OR3A2: variants seen among roughly 807,000 people sequenced by gnomAD.
OR3A2 encodes olfactory receptor family 3 subfamily A member 2, also known as olfactory receptor 3A2.
For missense variants in OR3A2, 318 were observed against 392.8 expected (o/e 0.81, Z 1.61); for synonymous variants, 126 against 159.3 (o/e 0.79, Z 1.57).
chr17:3,383,964 TACAA>T (rs2150670479), intron 1 of OR3A2: 1 of 75,130 alleles, frequency 1.3e-5, no homozygotes, highest in Non-Finnish European at 2.6e-5. Context: ...AAATATTGTA[TACAA>T]ATATTTATTG....
chr17:3,294,933 G>A (rs887122178), intron 3 of OR3A2, among the ~76,000 whole-genome samples: 1 of 152,054 alleles, frequency 6.6e-6, no homozygotes. Flanking sequence ...GTTGAAGAAA[G>A]CAGACTTCAG....
At chr17:3,346,622 T>C (rs1266104378) in intron 2 of OR3A2, among the ~76,000 whole-genome samples, 1 of 152,104 alleles carries the variant, frequency 6.6e-6, no homozygotes, top group African/African-American at 2.4e-5. Flanking sequence ...TATCAAATAC[T>C]AGTTCTTATT....
intron 2 of OR3A2, among the ~76,000 whole-genome samples, chr17:3,345,481 C>G (rs538889736): frequency 2.6e-5 from 4 of 151,562 alleles, no homozygotes; most frequent in Admixed American, 1.3e-4. Context: ...CGAAACAACA[C>G]AGAGGGCAGA....
At chr17:3,313,240 G>A (rs891219153) in intron 3 of OR3A2, among the ~76,000 whole-genome samples, 1 of 152,160 alleles carries the variant, frequency 6.6e-6, no homozygotes, top group East Asian at 1.9e-4. Flanking sequence ...CACCTTGTCC[G>A]ACATGCTTAT....
intron 3 of OR3A2, among the ~76,000 whole-genome samples, chr17:3,315,359 G>A (rs1597335223): frequency 6.6e-6 from 1 of 152,252 alleles, no homozygotes; most frequent in East Asian, 1.9e-4. Context: ...GTTGCTTGTT[G>A]ACTTTTTAAT....
chr17:3,312,147 G>A (rs909878047), intron 3 of OR3A2, among the ~76,000 whole-genome samples: 2 of 152,136 alleles, frequency 1.3e-5, no homozygotes, highest in African/African-American at 4.8e-5. Context: ...CTGATACAAA[G>A]TGAATTGAAG....
chr17:3,341,524 G>A (rs931599632), intron 2 of OR3A2, among the ~76,000 whole-genome samples: 1 of 152,112 alleles, frequency 6.6e-6, no homozygotes, highest in Non-Finnish European at 1.5e-5. Context: ...CACTTATGAA[G>A]CTTAGTTTGG....
chr17:3,341,038 T>C (rs2049313438), intron 2 of OR3A2, among the ~76,000 whole-genome samples: 1 of 152,276 alleles, frequency 6.6e-6, no homozygotes, highest in African/African-American at 2.4e-5. Context: ...TTTGTCTCTT[T>C]TGATCTTTGT....
intron 3 of OR3A2, among the ~76,000 whole-genome samples, chr17:3,302,036 G>A (rs1027961923): frequency 2.0e-5 from 3 of 152,002 alleles, no homozygotes; most frequent in Admixed American, 1.3e-4. Context: ...CAACTTACAA[G>A]GGACGTGAAG....
At chr17:3,374,029 G>C (rs1001512815) in intron 2 of OR3A2, among the ~76,000 whole-genome samples, 7 of 152,166 alleles carry the variant, frequency 4.6e-5, no homozygotes, top group Non-Finnish European at 8.8e-5. Flanking sequence ...GTCAGTCTGA[G>C]AAAGATTTTA....
chr17:3,348,752 A>G (rs2049392280), intron 2 of OR3A2, among the ~76,000 whole-genome samples: 1 of 152,310 alleles, frequency 6.6e-6, no homozygotes, highest in African/African-American at 2.4e-5. Flanking sequence ...GTTGAAATGA[A>G]GGAAAAAAAT....
chr17:3,352,197 G>A (rs1323000300), intron 2 of OR3A2, among the ~76,000 whole-genome samples: 2 of 151,894 alleles, frequency 1.3e-5, no homozygotes, highest in African/African-American at 4.8e-5. Flanking sequence ...CTCCCATTCT[G>A]TGGGCTGTCT....
chr17:3,376,303 C>T (rs2049683206), intron 2 of OR3A2, among the ~76,000 whole-genome samples: 1 of 152,174 alleles, frequency 6.6e-6, no homozygotes, highest in African/African-American at 2.4e-5. Context: ...CCTACATTGG[C>T]CAGGATAAAT....
chr17:3,323,947 C>G (rs371137899), intron 3 of OR3A2, among the ~76,000 whole-genome samples: 19 of 152,202 alleles, frequency 1.2e-4, no homozygotes, highest in South Asian at 2.1e-4. Context: ...ATATCCTGCA[C>G]AGTGTTTTCC....
intron 2 of OR3A2, among the ~76,000 whole-genome samples, chr17:3,349,765 T>G (rs1479362429): frequency 1.3e-5 from 2 of 151,552 alleles, no homozygotes; most frequent in South Asian, 2.1e-4. Context: ...ATTCCAAAAT[T>G]GACCACATAC....
upstream of OR3A2, among the ~76,000 whole-genome samples, chr17:3,285,914 G>C (rs1024744891): frequency 6.6e-6 from 1 of 152,186 alleles, no homozygotes; most frequent in African/African-American, 2.4e-5. Context: ...CTATGAAGTA[G>C]ATTTTCTCTT....
chr17:3,362,727 C>T (rs1156483696), intron 2 of OR3A2, among the ~76,000 whole-genome samples: 2 of 151,620 alleles, frequency 1.3e-5, no homozygotes, highest in Non-Finnish European at 2.9e-5. Flanking sequence ...CTCAGCACTC[C>T]ACTAGCAGAG....
At chr17:3,299,355 G>T (rs2048944585) in intron 3 of OR3A2, among the ~76,000 whole-genome samples, 1 of 152,276 alleles carries the variant, frequency 6.6e-6, no homozygotes, top group South Asian at 2.1e-4. Context: ...GGAATGCAGT[G>T]CTTTCTCCCT....
intron 3 of OR3A2, among the ~76,000 whole-genome samples, chr17:3,302,473 G>C (rs996577387): frequency 7.9e-5 from 12 of 152,116 alleles, no homozygotes; most frequent in Admixed American, 4.6e-4. Flanking sequence ...TGACAAACCT[G>C]ACAAAAACAT....
Sources: gnomAD v4.1 joint callset for allele counts (sites outside exome capture counted in the v4.1 genomes callset) on GRCh38, gnomAD v4.1.1 for gene constraint, MANE v1.5 for transcripts, NCBI Gene and HGNC (gene_info 2026-07-23, HGNC 2026-07-21) for gene names.